Variants in IQCM observed in about 807,000 individuals in gnomAD.
IQCM encodes the protein IQ motif containing M.
IQCM carries 45 observed loss-of-function variants against 57.6 expected under a neutral mutation model. That is an observed-to-expected ratio of 0.78 (90% CI 0.62 to 1.00). The LOEUF (loss-of-function observed/expected upper bound fraction) is 1.00, where lower values mean the gene tolerates loss of function less well. IQCM is among the 50% of genes least tolerant of loss of function. The pLI is 0.00. For missense variants in IQCM, 468 were observed against 511.6 expected (o/e 0.91, Z 0.82); for synonymous variants, 148 against 158.9 (o/e 0.93, Z 0.51).
chr4:149,491,498 T>G (rs1307690880), intron 12 of IQCM, among the ~76,000 whole-genome samples: 2 of 152,092 alleles, frequency 1.3e-5, no homozygotes, highest in Admixed American at 1.3e-4. Flanking sequence ...CACATGTAGG[T>G]GAGATCATGT....
chr4:149,689,550 A>G (rs1270989107), intron 5 of IQCM, among the ~76,000 whole-genome samples: 1 of 152,080 alleles, frequency 6.6e-6, no homozygotes, highest in Non-Finnish European at 1.5e-5. Context: ...TAATAATAAA[A>G]AATAAAAATT....
chr4:149,438,830 A>G (rs1203495779), intron 12 of IQCM, among the ~76,000 whole-genome samples: 1 of 152,088 alleles, frequency 6.6e-6, no homozygotes, highest in Non-Finnish European at 1.5e-5. Flanking sequence ...TTAAGAAGAC[A>G]GTTAAATGAT....
intron 12 of IQCM, among the ~76,000 whole-genome samples, chr4:149,495,693 A>G (rs1742581390): frequency 6.6e-6 from 1 of 152,148 alleles, no homozygotes; most frequent in Non-Finnish European, 1.5e-5. Flanking sequence ...TTTTTACACA[A>G]AGGCAGAGCA....
chr4:149,644,857 G>T (rs1758505791), intron 7 of IQCM, among the ~76,000 whole-genome samples: 1 of 152,156 alleles, frequency 6.6e-6, no homozygotes, highest in African/African-American at 2.4e-5. Flanking sequence ...AATAAGAGAA[G>T]CACTTCTCCA....
chr4:149,560,662 C>A (rs1750033833), intron 10 of IQCM, among the ~76,000 whole-genome samples: 1 of 152,084 alleles, frequency 6.6e-6, no homozygotes, highest in Non-Finnish European at 1.5e-5. Flanking sequence ...TCTCTGTGGT[C>A]TTTCGATGTA....
intron 12 of IQCM, among the ~76,000 whole-genome samples, chr4:149,447,636 T>C (rs1268368295): frequency 6.6e-6 from 1 of 151,570 alleles, no homozygotes; most frequent in Non-Finnish European, 1.5e-5. Context: ...AGAGTATCAG[T>C]GAGCTGTGGA....
chr4:149,380,727 GAA>G (rs1731020001), intron 13 of IQCM, among the ~76,000 whole-genome samples: 1 of 152,132 alleles, frequency 6.6e-6, no homozygotes, highest in Admixed American at 6.5e-5. Flanking sequence ...TGTGCAAAGA[GAA>G]AGAGTGCTAA....
chr4:149,642,107 G>A (rs574957994), intron 7 of IQCM, among the ~76,000 whole-genome samples: 59 of 152,176 alleles, frequency 3.9e-4, no homozygotes, highest in Non-Finnish European at 7.8e-4. Context: ...GCTTTATAGG[G>A]CTGATAGTTT....
Position 149,792,645 on chromosome 4 carries a change from A to G in IQCM, c.-49+22666T>C, listed in dbSNP as rs72728514. On this transcript the variant is annotated intron_variant, in intron 2 of 13. Transcript: ENST00000636793. ...AAAATTTAACATGTAAGCAGTCTCT[A>G]CTTTTGTCTTTGGCCCATCTTCATT... Among the ~76,000 whole-genome samples the G allele has an allele frequency of 5.1e-3, 778 of 152,290 alleles. 2 individuals are homozygous for G. The highest frequency in any genetic ancestry group is 8.6e-3 in the Non-Finnish European group (584 of 67,994).
rs576404243 is a variant in IQCM, at chr4:149,683,303, G to A, written c.477-1097C>T. On this transcript the variant is annotated intron_variant, in intron 6 of 13. Coordinates refer to ENST00000636793, the MANE Select transcript of IQCM (RefSeq NM_001363507.2). ...TTCCTTGTGTTACTATAAATGCCTA[G>A]AAATTAAAATGTTGGTTTGAAAATT... Among the ~76,000 whole-genome samples the A allele has an allele frequency of 7.2e-4, 109 of 151,288 alleles. 1 individual carries two copies. In the Admixed American group the frequency reaches 7.2e-3, roughly 10 times the overall value.
At chr4:149,601,671 T>C (rs576217620) in intron 8 of IQCM, among the ~76,000 whole-genome samples, 2 of 152,202 alleles carry the variant, frequency 1.3e-5, no homozygotes, top group Non-Finnish European at 2.9e-5. Flanking sequence ...TTTAGTATAC[T>C]ACTACATTTT....
chr4:149,443,708 G>GGAAA (rs1457152149), intron 12 of IQCM, among the ~76,000 whole-genome samples: 4 of 145,986 alleles, frequency 2.7e-5, no homozygotes, highest in African/African-American at 1.0e-4. Context: ...GGAAAGGAAA[G>GGAAA]GAAAGGAAAG....
intron 12 of IQCM, among the ~76,000 whole-genome samples, chr4:149,502,129 A>T (rs926766602): frequency 1.3e-5 from 2 of 150,190 alleles, no homozygotes; most frequent in Non-Finnish European, 3.0e-5. Flanking sequence ...TCAATGAATA[A>T]TTTTTTATAA....
At chr4:149,411,102 A>C (rs1426355355) in intron 13 of IQCM, among the ~76,000 whole-genome samples, 5 of 152,142 alleles carry the variant, frequency 3.3e-5, no homozygotes, top group Admixed American at 6.5e-5. Flanking sequence ...AAGTTCATCA[A>C]AATCACCTAT....
intron 4 of IQCM, among the ~76,000 whole-genome samples, chr4:149,734,427 GA>G (rs1481288906): frequency 6.6e-6 from 1 of 152,000 alleles, no homozygotes; most frequent in Non-Finnish European, 1.5e-5. Context: ...TTGGTTAGAG[GA>G]AAAATTAGTT....
At chr4:149,546,011 C>T (rs951364764) in intron 12 of IQCM, among the ~76,000 whole-genome samples, 8 of 152,046 alleles carry the variant, frequency 5.3e-5, no homozygotes, top group Admixed American at 1.3e-4. Flanking sequence ...ATGTTCCCCA[C>T]CCTGTGTCCA....
At chr4:149,527,493 G>A (rs1746275330) in intron 12 of IQCM, among the ~76,000 whole-genome samples, 1 of 152,206 alleles carries the variant, frequency 6.6e-6, no homozygotes, top group African/African-American at 2.4e-5. Flanking sequence ...CAGGAAGAGA[G>A]TCCTCACCAG....
chr4:149,654,314 T>C (rs563450591), intron 7 of IQCM, among the ~76,000 whole-genome samples: 1 of 152,212 alleles, frequency 6.6e-6, no homozygotes, highest in South Asian at 2.1e-4. Flanking sequence ...TGGGGTGTGG[T>C]AGGAGGTGTT....
intron 5 of IQCM, among the ~76,000 whole-genome samples, chr4:149,732,803 C>T (rs1766581950): frequency 2.0e-5 from 3 of 152,102 alleles, no homozygotes; most frequent in African/African-American, 7.2e-5. Context: ...AGAGGATAAA[C>T]CTTTACAATT....
Sources: allele counts gnomAD v4.1 joint callset (sites outside exome capture counted in the v4.1 genomes callset), GRCh38; gene constraint gnomAD v4.1.1; transcripts MANE v1.5; gene names NCBI Gene and HGNC (gene_info 2026-07-23, HGNC 2026-07-21).